Variants in EPB41L5 observed in about 807,000 individuals in gnomAD.
The protein encoded by EPB41L5 is erythrocyte membrane protein band 4.1 like 5.
EPB41L5 carries 55 observed loss-of-function variants against 106.6 expected under a neutral mutation model. The ratio of observed to expected loss-of-function variants is 0.52; its 90% CI spans 0.42 to 0.65. The LOEUF is 0.65. Ranked by LOEUF, EPB41L5 falls within the 30% of genes least tolerant of loss-of-function variation. The probability of loss-of-function intolerance (pLI) is 0.00; values close to 1 mark genes in which losing one functional copy is unlikely to be tolerated. For missense variants in EPB41L5, 871 were observed against 882.1 expected (o/e 0.99, Z 0.16); for synonymous variants, 297 against 306.7 (o/e 0.97, Z 0.33).
intron 3 of EPB41L5, among the ~76,000 whole-genome samples, chr2:120,046,731 G>T (rs1043625050): frequency 9.2e-5 from 14 of 152,036 alleles, no homozygotes; most frequent in Non-Finnish European, 1.8e-4. Flanking sequence ...TGAAGTCCTT[G>T]CCCATGCCTA....
At chr2:120,074,597 A>G (rs1346407611) in intron 5 of EPB41L5, among the ~76,000 whole-genome samples, 1 of 152,142 alleles carries the variant, frequency 6.6e-6, no homozygotes, top group Non-Finnish European at 1.5e-5. Flanking sequence ...AAAACATTAG[A>G]TTCTGATTGG....
chr2:120,090,823 A>T (rs1156687127), intron 12 of EPB41L5, among the ~76,000 whole-genome samples: 1 of 152,204 alleles, frequency 6.6e-6, no homozygotes, highest in Non-Finnish European at 1.5e-5. Context: ...CCACCACTGG[A>T]TACCATATAG....
chr2:120,084,626 T>G (rs1178048489), intron 10 of EPB41L5, among the ~76,000 whole-genome samples: 1 of 152,076 alleles, frequency 6.6e-6, no homozygotes, highest in Admixed American at 6.5e-5. Context: ...TCTGGAGGAG[T>G]ATCTTTGTGG....
At chr2:120,053,520 A>G (rs541135034) in intron 3 of EPB41L5, among the ~76,000 whole-genome samples, 1 of 152,262 alleles carries the variant, frequency 6.6e-6, no homozygotes, top group East Asian at 1.9e-4. Flanking sequence ...TCCCCACAGC[A>G]TCTGGCAAAC....
rs371544210 is a variant in EPB41L5, at chr2:120,136,888, C to T, written c.1599+5173C>T. ...ATTTAATCAGTGTAGACCAATGGAC[C>T]TAATAGAACATTTTATCTAGTGGCA... On this transcript the variant is annotated intron_variant, in intron 18 of 24. Coordinates refer to ENST00000263713, the MANE Select transcript of EPB41L5 (RefSeq NM_020909.4). Among the ~76,000 whole-genome samples, 11 of 151,904 alleles carry T rather than the reference C, an allele frequency of 7.2e-5. No homozygotes were observed. The East Asian group carries it at 1.5e-3, about 21-fold the overall frequency.
intron 24 of EPB41L5, among the ~76,000 whole-genome samples, chr2:120,170,982 T>G (rs998783708): frequency 7.2e-5 from 11 of 152,242 alleles, no homozygotes; most frequent in Non-Finnish European, 1.3e-4. Flanking sequence ...TCATGCCTTA[T>G]GTGCTTTAAT....
At chr2:120,064,613 AG>A (rs745306530) in intron 3 of EPB41L5, among the ~76,000 whole-genome samples, 2 of 152,258 alleles carry the variant, frequency 1.3e-5, no homozygotes, top group Non-Finnish European at 2.9e-5. Flanking sequence ...TAGGATGCTA[AG>A]AAATGTGGCT....
chr2:120,174,878 CA>C lies in EPB41L5; in HGVS notation c.2174del (p.Gln725ArgfsTer5). On this transcript the variant is annotated frameshift_variant, in exon 25 of 25. Transcript: ENST00000263713. LOFTEE classifies it high-confidence loss of function. Reference protein sequence around the residue: ...PILAEEAVLKQKCLLTTEL With the variant: ...PILAEEAVLKXKCLLTTEL ...TTTGGCAGAAGAAGCTGTCCTGAAG[CA>C]GAAGTGTTTACTGACCACTGAGCTC... 1 of 1,614,182 alleles carries C rather than the reference CA, an allele frequency of 6.2e-7. No homozygotes were observed.
chr2:120,168,181 A>G (rs961598118), intron 24 of EPB41L5, among the ~76,000 whole-genome samples, 174 bp downstream of exon 24: 2 of 152,218 alleles, frequency 1.3e-5, no homozygotes, highest in Non-Finnish European at 2.9e-5. Flanking sequence ...TCTTGTCAGT[A>G]GCAATTTTCT....
intron 5 of EPB41L5, among the ~76,000 whole-genome samples, chr2:120,074,964 G>A (rs1682127461): frequency 2.0e-5 from 3 of 152,120 alleles, no homozygotes; most frequent in African/African-American, 7.2e-5. Flanking sequence ...AAATAGCTGG[G>A]ATTACAGGCA....
chr2:120,037,725 C>G (rs1679133295), intron 2 of EPB41L5, among the ~76,000 whole-genome samples: 1 of 151,924 alleles, frequency 6.6e-6, no homozygotes, highest in African/African-American at 2.4e-5. Flanking sequence ...AATAGAGAGA[C>G]TAGAAACAAA....
At chr2:120,118,302 A>G (rs757014321) in intron 16 of EPB41L5, among the ~76,000 whole-genome samples, 13 of 152,246 alleles carry the variant, frequency 8.5e-5, no homozygotes, top group Non-Finnish European at 1.6e-4. Flanking sequence ...ATAGAAAAGA[A>G]TAAAATTGTA....
At chr2:120,028,919 T>C (rs1214767853) in intron 2 of EPB41L5, among the ~76,000 whole-genome samples, 4 of 152,158 alleles carry the variant, frequency 2.6e-5, no homozygotes, top group Non-Finnish European at 5.9e-5. Flanking sequence ...AGCCAGATTT[T>C]AGAGGGCTAA....
At chr2:120,048,455 T>C (rs955840233) in intron 3 of EPB41L5, among the ~76,000 whole-genome samples, 1 of 152,186 alleles carries the variant, frequency 6.6e-6, no homozygotes, top group African/African-American at 2.4e-5. Context: ...GTAGAGGTGT[T>C]TATAGTATTC....
intron 2 of EPB41L5, among the ~76,000 whole-genome samples, chr2:120,020,944 C>T (rs1327010813): frequency 1.3e-5 from 2 of 152,136 alleles, no homozygotes; most frequent in Admixed American, 1.3e-4. Context: ...GTATGCTTAG[C>T]TGGGTGTATG....
At chr2:120,022,467 AATG>A (rs1253163264) in intron 2 of EPB41L5, among the ~76,000 whole-genome samples, 1 of 151,974 alleles carries the variant, frequency 6.6e-6, no homozygotes, top group Non-Finnish European at 1.5e-5. Context: ...GTTTGCTGAG[AATG>A]ATGGTTTCCA....
chr2:120,157,194 T>C (rs1476871632), intron 20 of EPB41L5, among the ~76,000 whole-genome samples: 4 of 152,010 alleles, frequency 2.6e-5, no homozygotes, highest in African/African-American at 7.2e-5. Context: ...GGCTTTTGGG[T>C]ATATAATAAA....
At chr2:120,090,792 A>T (rs968315498) in intron 12 of EPB41L5, among the ~76,000 whole-genome samples, 2 of 152,216 alleles carry the variant, frequency 1.3e-5, no homozygotes, top group Admixed American at 1.3e-4. Context: ...CTATTTAACA[A>T]GAGTTTTATG....
chr2:120,091,574 A>G lies in EPB41L5; in HGVS notation c.1063A>G (p.Thr355Ala), dbSNP rs751427248. Reference sequence around the variant, plus strand: ...ATTTAGTGGGAAAACAGAGTATCAGACCACAAAAACCAATAAAGCAAGAAG... The same window carrying G: ...ATTTAGTGGGAAAACAGAGTATCAGGCCACAAAAACCAATAAAGCAAGAAG... ...FRYSGKTEYQTTKTNKARRST... is the reference protein window; with the variant it reads ...FRYSGKTEYQATKTNKARRST... Residue 355 changes from threonine to alanine, a missense_variant, in exon 13 of 25, where the codon ACC becomes GCC. Coordinates refer to ENST00000263713, the MANE Select transcript of EPB41L5 (RefSeq NM_020909.4). The G allele has an allele frequency of 5.6e-6, 9 of 1,613,678 alleles. No homozygotes were observed. In the East Asian group the frequency reaches 6.7e-5, roughly 12 times the overall value.
Sources: allele counts gnomAD v4.1 joint callset (sites outside exome capture counted in the v4.1 genomes callset), GRCh38; gene constraint gnomAD v4.1.1; transcripts MANE v1.5; gene names NCBI Gene and HGNC (gene_info 2026-07-23, HGNC 2026-07-21).